Variants in PTPRD observed in about 807,000 individuals in gnomAD.
PTPRD encodes receptor-type tyrosine-protein phosphatase delta.
Under a neutral mutation model 214.5 loss-of-function variants are expected in PTPRD, and 34 were observed. That is an observed-to-expected ratio of 0.16 (90% CI 0.12 to 0.21). The LOEUF (loss-of-function observed/expected upper bound fraction) is 0.21. Among genes scored for constraint, PTPRD ranks in the 10% least tolerant of loss-of-function variants. The pLI is 1.00. For missense variants in PTPRD, 2,545 were observed against 2,398.7 expected, an observed-to-expected ratio of 1.06 and a Z score of -1.27; for synonymous variants, 1,128 against 845.7, an observed-to-expected ratio of 1.33 and a Z score of -5.79.
At chr9:8,820,866 A>G (rs906260784) in intron 11 of PTPRD, among the ~76,000 whole-genome samples, 4 of 137,676 alleles carry the variant, frequency 2.9e-5, no homozygotes, top group East Asian at 2.2e-4. Context: ...GTTCTTTTCT[A>G]CTCCCTACAC....
intron 10 of PTPRD, among the ~76,000 whole-genome samples, chr9:9,130,971 A>T (rs576663849): frequency 1.4e-4 from 21 of 152,300 alleles, no homozygotes; most frequent in Middle Eastern, 3.4e-3. Flanking sequence ...ATTTCCTGGT[A>T]CAAATTTTAA....
At chr9:10,240,226 T>C (rs1301990995) in intron 3 of PTPRD, among the ~76,000 whole-genome samples, 1 of 151,970 alleles carries the variant, frequency 6.6e-6, no homozygotes, top group African/African-American at 2.4e-5. Flanking sequence ...AAACAGATCG[T>C]TTTCTCTGTA....
intron 12 of PTPRD, among the ~76,000 whole-genome samples, chr9:8,724,598 A>T (rs1343763103): frequency 6.6e-6 from 1 of 152,124 alleles, no homozygotes; most frequent in East Asian, 1.9e-4. Context: ...AAAAACCAAG[A>T]TTTTGAACAA....
intron 7 of PTPRD, among the ~76,000 whole-genome samples, chr9:9,634,867 G>C (rs1018594849): frequency 6.6e-6 from 1 of 152,152 alleles, no homozygotes; most frequent in African/African-American, 2.4e-5. Context: ...TTTATGTTGA[G>C]TACTTGTGCT....
intron 5 of PTPRD, among the ~76,000 whole-genome samples, chr9:9,910,000 T>A (rs570697862): frequency 6.6e-6 from 1 of 152,086 alleles, no homozygotes; most frequent in Non-Finnish European, 1.5e-5. Flanking sequence ...AATTCCTTGG[T>A]GTTACTATTT....
chr9:8,778,857 T>C (rs1413465114), intron 11 of PTPRD, among the ~76,000 whole-genome samples: 1 of 152,066 alleles, frequency 6.6e-6, no homozygotes, highest in Non-Finnish European at 1.5e-5. Flanking sequence ...ATGGATTCAG[T>C]GAAGTAACAC....
In PTPRD at chr9:9,433,872, G is replaced by A. The variant is rs111795402; in HGVS notation, c.-236-36390C>T. On this transcript the variant is annotated intron_variant, in intron 8 of 45. Transcript: ENST00000381196. ...AATAAAGTTGTATCTGATAGAGACAGATCTGCAACATTCCTAACAATCTTT... is the reference window on the plus strand; with the variant it reads ...AATAAAGTTGTATCTGATAGAGACAAATCTGCAACATTCCTAACAATCTTT... 1.5e-3 allele frequency among the ~76,000 whole-genome samples: 224 copies of A among 152,326 alleles called. 1 individual carries two copies. Among genetic ancestry groups the A allele is most frequent in the African/African-American group, 5.1e-3 (211 of 41,568 alleles).
At chr9:10,369,398 G>C (rs1316351990) in intron 2 of PTPRD, among the ~76,000 whole-genome samples, 1 of 152,120 alleles carries the variant, frequency 6.6e-6, no homozygotes, top group East Asian at 1.9e-4. Flanking sequence ...TGGTGTGGTG[G>C]TAATGGCGGG....
intron 31 of PTPRD, among the ~76,000 whole-genome samples, chr9:8,470,114 G>C (rs10977134): frequency 0.033 from 5,018 of 152,120 alleles, 277 homozygotes; most frequent in African/African-American, 0.11. Flanking sequence ...TTGCCAAATG[G>C]GGGCGTTACG....
At chr9:9,663,636 C>G (rs1231830635) in intron 7 of PTPRD, among the ~76,000 whole-genome samples, 2 of 151,574 alleles carry the variant, frequency 1.3e-5, no homozygotes, top group African/African-American at 4.8e-5. Context: ...TCACTGACAA[C>G]TCTCTCTCCT....
At chr9:9,589,200 T>A (rs1002785523) in intron 7 of PTPRD, among the ~76,000 whole-genome samples, 2 of 151,922 alleles carry the variant, frequency 1.3e-5, no homozygotes, top group African/African-American at 4.8e-5. Flanking sequence ...TGGTGTGTAT[T>A]TTTAAATATT....
chr9:8,772,568 A>T (rs938839665), intron 11 of PTPRD, among the ~76,000 whole-genome samples: 13 of 152,230 alleles, frequency 8.5e-5, no homozygotes, highest in Non-Finnish European at 1.8e-4. Flanking sequence ...ACTTGAGCCC[A>T]GGAGTTTGAG....
intron 2 of PTPRD, among the ~76,000 whole-genome samples, chr9:10,562,339 T>TC (rs1231392129): frequency 2.6e-5 from 4 of 151,992 alleles, no homozygotes; most frequent in South Asian, 4.1e-4. Flanking sequence ...CTTTTTTTTT[T>TC]TTTTGCTGCC....
intron 39 of PTPRD, among the ~76,000 whole-genome samples, chr9:8,347,862 T>C (rs1288319615): frequency 6.6e-6 from 1 of 152,130 alleles, no homozygotes; most frequent in Non-Finnish European, 1.5e-5. Context: ...TGAAACCAAC[T>C]CTGCCAGCAC....
At chr9:9,356,134 T>C (rs2053675656) in intron 9 of PTPRD, among the ~76,000 whole-genome samples, 1 of 151,250 alleles carries the variant, frequency 6.6e-6, no homozygotes, top group African/African-American at 2.4e-5. Flanking sequence ...AGACATTAAT[T>C]TCAGGAAATT....
rs1242027649 is a variant in PTPRD at position 9,896,383 on chromosome 9, C to T, written c.-368+42124G>A. 1.3e-5 allele frequency among the ~76,000 whole-genome samples: 2 copies of T among 151,990 alleles called. 1 individual carries two copies. Among genetic ancestry groups the T allele is most frequent in the African/African-American group, 4.8e-5 (2 of 41,420 alleles). On this transcript the variant is annotated intron_variant, in intron 5 of 45. Transcript: ENST00000381196. ...TTTTCAGCTTCAAATCATTTTTTCACATGAATACATCTTCACTAGTGCAAG... is the reference window on the plus strand; with the variant it reads ...TTTTCAGCTTCAAATCATTTTTTCATATGAATACATCTTCACTAGTGCAAG...
intron 11 of PTPRD, among the ~76,000 whole-genome samples, chr9:8,811,557 A>G (rs996453484): frequency 6.6e-6 from 1 of 152,230 alleles, no homozygotes; most frequent in Non-Finnish European, 1.5e-5. Flanking sequence ...ACTAAGGAAC[A>G]GAACAATCAT....
At chr9:9,270,219 A>G (rs963614191) in intron 9 of PTPRD, among the ~76,000 whole-genome samples, 19 of 151,438 alleles carry the variant, frequency 1.3e-4, no homozygotes, top group African/African-American at 4.3e-4. Context: ...ATTATTTTCA[A>G]TTATGCCTTT....
At chr9:8,496,885 T>C (rs2097286820) in intron 26 of PTPRD, among the ~76,000 whole-genome samples, 1 of 152,224 alleles carries the variant, frequency 6.6e-6, no homozygotes, top group Non-Finnish European at 1.5e-5. Context: ...GTGTATTTTA[T>C]GTGTGGTCCA....
Sources: gnomAD v4.1 joint callset for allele counts (sites outside exome capture counted in the v4.1 genomes callset) on GRCh38, gnomAD v4.1.1 for gene constraint, MANE v1.5 for transcripts, NCBI Gene and HGNC (gene_info 2026-07-23, HGNC 2026-07-21) for gene names.